EHD4: variants seen among roughly 807,000 people sequenced by gnomAD.
The protein encoded by EHD4 is EH domain-containing protein 4.
In EHD4, 37 loss-of-function variants were observed where a neutral mutation model predicts 51.0. The ratio of observed to expected loss-of-function variants is 0.73; its 90% CI spans 0.56 to 0.95. EHD4 has a LOEUF of 0.95. Among genes scored for constraint, EHD4 ranks in the 40% least tolerant of loss-of-function variants. The pLI, the probability that EHD4 is intolerant of heterozygous loss-of-function variation, is 0.00. For missense variants in EHD4, 632 were observed against 733.1 expected, an observed-to-expected ratio of 0.86 and a Z score of 1.59; for synonymous variants, 297 against 317.3, an observed-to-expected ratio of 0.94 and a Z score of 0.68.
chr15:41,907,799 A>T (rs1428349175), intron 5 of EHD4, among the ~76,000 whole-genome samples: 4 of 149,870 alleles, frequency 2.7e-5, no homozygotes, highest in Admixed American at 6.7e-5. Flanking sequence ...TAGGGATTAC[A>T]GGTGTGAGCC....
chr15:41,953,989 A>C (rs1474178352), intron 1 of EHD4, 49 bp from the exon 2 acceptor site: 1 of 1,592,724 alleles, frequency 6.3e-7, no homozygotes, highest in Non-Finnish European at 8.5e-7. Context: ...TCACAAAGTA[A>C]GAGGCCAGAA....
At chr15:41,964,336 C>A (rs1450223267) in intron 1 of EHD4, among the ~76,000 whole-genome samples, 1 of 152,084 alleles carries the variant, frequency 6.6e-6, no homozygotes, top group African/African-American at 2.4e-5. Flanking sequence ...TGGCTCACGC[C>A]TATAATCCCA....
chr15:41,914,890 A>G (rs2140986678), intron 4 of EHD4, among the ~76,000 whole-genome samples: 1 of 150,942 alleles, frequency 6.6e-6, no homozygotes, highest in East Asian at 2.0e-4. Context: ...GGTTCAAGTG[A>G]TTCTCCTGCC....
chr15:41,940,395 C>G (rs533059490), intron 3 of EHD4, among the ~76,000 whole-genome samples: 1 of 152,208 alleles, frequency 6.6e-6, no homozygotes, highest in African/African-American at 2.4e-5. Flanking sequence ...TGTGAGTATA[C>G]GTGAGAACGT....
At chr15:41,963,217 T>C (rs1595546859) in intron 1 of EHD4, among the ~76,000 whole-genome samples, 2 of 151,490 alleles carry the variant, frequency 1.3e-5, no homozygotes, top group Admixed American at 1.3e-4. Flanking sequence ...GTTTATCTGC[T>C]GACCTTCCCT....
intron 3 of EHD4, among the ~76,000 whole-genome samples, chr15:41,941,308 A>C (rs2067767865): frequency 6.6e-6 from 1 of 152,244 alleles, no homozygotes; most frequent in African/African-American, 2.4e-5. Flanking sequence ...ATATACTGGC[A>C]TGGAATGATG....
chr15:41,905,296 C>A (rs1270676691), intron 5 of EHD4, among the ~76,000 whole-genome samples: 1 of 152,218 alleles, frequency 6.6e-6, no homozygotes, highest in Non-Finnish European at 1.5e-5. Context: ...TGTGACTGGG[C>A]CTCAGCCTAC....
chr15:41,909,794 T>A lies in EHD4; in HGVS notation c.994A>T (p.Arg332Ter). Residue 332 changes from arginine (R) to a stop codon, truncating the protein, a stop_gained, in exon 5 of 6, where the codon AGA (arginine) becomes TGA (stop). Transcript: ENST00000220325. LOFTEE classifies it high-confidence loss of function. ...PSVFGKENKKRELISRLPEIY... is the reference protein window; with the variant it reads ...PSVFGKENKK The stretch of plus-strand genomic sequence containing the variant: ...TCCGGTAGCCTGCTGATAAGCTCTC[T>A]CTTCTTGTTTTCCTTTCCAAATACA... The A allele has an allele frequency of 6.2e-7, 1 of 1,614,196 alleles. No individual in the cohort carries two copies. The highest frequency in any genetic ancestry group is 8.5e-7 in the Non-Finnish European group (1 of 1,180,038).
At chr15:41,948,000 T>C (rs1301538605) in intron 2 of EHD4, among the ~76,000 whole-genome samples, 2 of 128,558 alleles carry the variant, frequency 1.6e-5, no homozygotes, top group African/African-American at 5.2e-5. Flanking sequence ...CTCACGCCTG[T>C]AATCCCAGCA....
At chr15:41,901,241 G>A (rs2067476040) in intron 5 of EHD4, 60 bp from the exon 6 acceptor site, 1 of 1,489,028 alleles carries the variant, frequency 6.7e-7, no homozygotes, top group African/African-American at 1.4e-5. Flanking sequence ...GAAACAGTTG[G>A]GGGCCACTGG....
chr15:41,896,069 TG>T lies in EHD4; in HGVS notation c.*4575del, dbSNP rs2067436687. On this transcript the variant is annotated 3_prime_UTR_variant, in exon 6 of 6. Transcript: ENST00000220325. ...TTCCCACTTCAGCCTCCTGCATTGC[TG>T]GGATTATAGGTGTGAGCCACCATGC... The T allele has an allele frequency of 6.6e-6, 1 of 152,238 alleles. No homozygotes were observed. Among genetic ancestry groups the T allele is most frequent in the African/African-American group, 2.4e-5 (1 of 41,450 alleles). 9.4% of individuals were successfully genotyped at this position (152,238 alleles called of 1,614,324 possible). A position where few individuals can be genotyped will look rare whatever the true frequency, so the allele number is the denominator to read the frequency against.
At chr15:41,962,568 TA>T in intron 1 of EHD4, among the ~76,000 whole-genome samples, 1 of 148,248 alleles carries the variant, frequency 6.7e-6, no homozygotes, top group African/African-American at 2.5e-5. Flanking sequence ...CACAACAATA[TA>T]ATTGAGACAG....
intron 1 of EHD4, among the ~76,000 whole-genome samples, chr15:41,960,097 T>G (rs1379186161): frequency 1.3e-5 from 2 of 152,216 alleles, no homozygotes; most frequent in East Asian, 3.8e-4. Flanking sequence ...AAATATTTCC[T>G]AGCAAAACAG....
intron 5 of EHD4, among the ~76,000 whole-genome samples, chr15:41,903,480 A>G (rs1333704788): frequency 2.6e-5 from 4 of 151,742 alleles, no homozygotes; most frequent in African/African-American, 7.3e-5. Flanking sequence ...ACACACACAC[A>G]CACACACACA....
intron 3 of EHD4, among the ~76,000 whole-genome samples, chr15:41,940,148 G>A (rs1459941529): frequency 6.6e-6 from 1 of 152,140 alleles, no homozygotes; most frequent in African/African-American, 2.4e-5. Context: ...ATCATCAACC[G>A]CACAAAGGGG....
At chr15:41,918,821 T>C (rs1704395) in intron 4 of EHD4, among the ~76,000 whole-genome samples, 18,638 of 152,274 alleles carry the variant, frequency 0.12, 1,713 homozygotes, top group African/African-American at 0.25. Flanking sequence ...TGCCACCTCT[T>C]TCAGGTTTGG....
intron 5 of EHD4, among the ~76,000 whole-genome samples, chr15:41,907,848 GTGTGTGTGTGTGTGTGTGTGTGTA>G (rs2067522690): frequency 8.5e-6 from 1 of 117,318 alleles, no homozygotes; most frequent in African/African-American, 3.8e-5. Flanking sequence ...GTGTGTGTGT[GTGTGTGTGTGTGTGTGTGTGTGTA>G]TATATTTATT....
rs1404734600 is a variant in EHD4, at chr15:41,941,535, A to C, written c.511+1532T>G. 2.0e-5 allele frequency: 3 copies of C among 152,074 alleles called. No homozygotes were observed. In the East Asian group the frequency reaches 5.8e-4, roughly 29 times the overall value. The allele number at this position is 152,074 out of a possible 1,614,324, so 9.4% of individuals were successfully genotyped here. A position where few individuals can be genotyped will look rare whatever the true frequency, so the allele number is the denominator to read the frequency against. ...AACATCTATACTTTTATAATAGAAA[A>C]TAAAGCCAACAAGATATTTATGAAT... On this transcript the variant is annotated intron_variant, in intron 3 of 5. Transcript: ENST00000220325.
At chr15:41,944,201 G>C (rs1003453698) in intron 2 of EHD4, among the ~76,000 whole-genome samples, 2 of 152,172 alleles carry the variant, frequency 1.3e-5, no homozygotes, top group African/African-American at 2.4e-5. Context: ...CATGAAAATG[G>C]TGGCTTCCCG....
Sources: allele counts gnomAD v4.1 joint callset (sites outside exome capture counted in the v4.1 genomes callset), GRCh38; gene constraint gnomAD v4.1.1; transcripts MANE v1.5; gene names NCBI Gene and HGNC (gene_info 2026-07-23, HGNC 2026-07-21).